Variants in MYO1H observed in about 807,000 individuals in gnomAD.
MYO1H encodes the protein unconventional myosin-Ih.
Under a neutral mutation model 149.3 loss-of-function variants are expected in MYO1H, and 118 were observed. The ratio of observed to expected loss-of-function variants is 0.79; its 90% CI spans 0.68 to 0.92. MYO1H has a LOEUF of 0.92. MYO1H is among the 40% of genes least tolerant of loss of function. The pLI, the probability that MYO1H is intolerant of heterozygous loss-of-function variation, is 0.00. For synonymous variants in MYO1H, 447 were observed against 465.2 expected (o/e 0.96, Z 0.50); for missense variants, 1,212 against 1,280.7 (o/e 0.95, Z 0.82).
chr12:109,433,015 G>A lies in MYO1H; in HGVS notation c.2063+5G>A. 6.2e-7 allele frequency: 1 copy of A among 1,611,112 alleles called. No homozygotes were observed. Among genetic ancestry groups the A allele is most frequent in the Non-Finnish European group, 8.5e-7 (1 of 1,177,244 alleles). ...CGAGGAATACAAGTTAGGCAAGTAAGTGACCAGAAGACCACCAAATGGTCT... is the reference window on the plus strand; with the variant it reads ...CGAGGAATACAAGTTAGGCAAGTAAATGACCAGAAGACCACCAAATGGTCT... On this transcript the variant is annotated splice_donor_5th_base_variant and intron_variant, in intron 20 of 31. Coordinates refer to ENST00000310903, the Ensembl canonical transcript of MYO1H.
chr12:109,412,994 T>C (rs1305225603), intron 14 of MYO1H, among the ~76,000 whole-genome samples: 1 of 151,874 alleles, frequency 6.6e-6, no homozygotes, highest in Non-Finnish European at 1.5e-5. Flanking sequence ...TTATTATTAT[T>C]TGAGACAGAG....
chr12:109,431,966 C>T (rs994585845), intron 19 of MYO1H, among the ~76,000 whole-genome samples: 5 of 149,382 alleles, frequency 3.3e-5, no homozygotes, highest in Non-Finnish European at 7.4e-5. Context: ...TACAGCCGCA[C>T]ACTGCCACAC....
At chr12:109,432,132 G>A (rs1871651611) in intron 19 of MYO1H, among the ~76,000 whole-genome samples, 1 of 150,136 alleles carries the variant, frequency 6.7e-6, no homozygotes, top group African/African-American at 2.5e-5. Flanking sequence ...CTCCCCAGTA[G>A]CTGGGACTAC....
At chr12:109,437,096 C>A (rs1336077788) in intron 22 of MYO1H, among the ~76,000 whole-genome samples, 1 of 151,942 alleles carries the variant, frequency 6.6e-6, no homozygotes, top group Non-Finnish European at 1.5e-5. Flanking sequence ...CAAAGTGAGA[C>A]CCTGTCTCAA....
exon 32 of MYO1H, chr12:109,447,474 G>C (rs547440881): frequency 5.8e-6 from 3 of 518,608 alleles, no homozygotes; most frequent in African/African-American, 1.9e-5. Context: ...GCAGTCCAAC[G>C]TGTCATTAGA....
At chr12:109,388,604 CT>C in intron 1 of MYO1H, 78 bp from the exon 2 acceptor site, 1 of 1,292,990 alleles carries the variant, frequency 7.7e-7, no homozygotes, top group Non-Finnish European at 1.0e-6. Flanking sequence ...GGTTTAGCAT[CT>C]TGTTATTTCC....
In MYO1H at chr12:109,405,905, A is replaced by T. The variant is rs767787978; in HGVS notation, c.850-17A>T. On this transcript the variant is annotated splice_polypyrimidine_tract_variant and intron_variant, in intron 7 of 31. Coordinates refer to ENST00000310903, the Ensembl canonical transcript of MYO1H. ...CTGTCCTGATCTCCTGTCTCTGAAC[A>T]CTTCCCATGTTCCTAGAATCTCTTT... The T allele has an allele frequency of 5.1e-6, 8 of 1,560,506 alleles. No homozygotes were observed. In the Middle Eastern group the frequency reaches 5.0e-4, roughly 98 times the overall value.
At chr12:109,395,972 G>A (rs778836142) in intron 3 of MYO1H, among the ~76,000 whole-genome samples, 3 of 151,950 alleles carry the variant, frequency 2.0e-5, no homozygotes, top group Non-Finnish European at 4.4e-5. Context: ...AGCCTGGAGT[G>A]CAATGGCATA....
In MYO1H at chr12:109,402,223, G is replaced by A. The variant is rs528196208; in HGVS notation, c.750+951G>A. On this transcript the variant is annotated intron_variant, in intron 6 of 31. Coordinates refer to ENST00000310903, the Ensembl canonical transcript of MYO1H. ...TTGTTTTTCTGCAGCCTGCACTAGC[G>A]TCCTACAATGCCCAGATTGTAAGGC... Among the ~76,000 whole-genome samples, 14 of 152,226 alleles carry A rather than the reference G, an allele frequency of 9.2e-5. No homozygotes were observed. In the East Asian group the frequency reaches 1.9e-3, roughly 21 times the overall value.
rs976534131 is a variant in MYO1H, at chr12:109,440,457, C to T, written c.2455-287C>T. The stretch of plus-strand genomic sequence containing the variant: ...AGAGGCGGGGCTGTTGTAAGAGTCC[C>T]GGGCTCCACTTTGGACCCACTGAGT... On this transcript the variant is annotated intron_variant, in intron 24 of 31. Coordinates refer to ENST00000310903, the Ensembl canonical transcript of MYO1H. The T allele has an allele frequency of 4.2e-5, 15 of 358,224 alleles. No individual in the cohort carries two copies. The Admixed American group carries it at 5.2e-4, about 13-fold the overall frequency. The allele number at this position is 358,224 out of a possible 1,614,324, so 22.2% of individuals were successfully genotyped here. A position where few individuals can be genotyped will look rare whatever the true frequency, so the allele number is the denominator to read the frequency against.
chr12:109,443,009 A>AAAATATATAT lies in MYO1H; in HGVS notation c.2689-504_2689-503insAATATATATA, dbSNP rs1371725807. 8.5e-5 allele frequency among the ~76,000 whole-genome samples: 5 copies of AAAATATATAT among 58,496 alleles called. 2 individuals carry two copies. Among genetic ancestry groups the AAAATATATAT allele is most frequent in the African/African-American group, 5.4e-4 (5 of 9,328 alleles). The allele number at this position is 58,496 out of a possible 152,430, so 38.4% of individuals were successfully genotyped here. On this transcript the variant is annotated intron_variant, in intron 27 of 31. Coordinates refer to ENST00000310903, the Ensembl canonical transcript of MYO1H. ...TGCAGAGAGCCAGGAAAAAAAAAAA[A>AAAATATATAT]ATATATATATATATATATATGTGTG...
In MYO1H at chr12:109,415,621, G is replaced by T. The variant is rs1870869671; in HGVS notation, c.1597+1G>T. On this transcript the variant is annotated splice_donor_variant, in intron 15 of 31. Coordinates refer to ENST00000310903, the Ensembl canonical transcript of MYO1H. LOFTEE classifies it high-confidence loss of function. ...GGAGAGGTCACATACTGCACCAAGG[G>T]TGAGTGGCCGTGGGGTACAGGTGAC... is the stretch of plus-strand genomic sequence containing the variant. 6.3e-7 allele frequency: 1 copy of T among 1,589,420 alleles called. No individual in the cohort carries two copies. The highest frequency in any genetic ancestry group is 2.3e-5 in the East Asian group (1 of 43,876).
At chr12:109,344,707 G>A (rs1380702546), upstream of MYO1H, among the ~76,000 whole-genome samples, 1 of 152,160 alleles carries the variant, frequency 6.6e-6, no homozygotes, top group East Asian at 1.9e-4. Context: ...GAAATTGGAT[G>A]TTTTACATTT....
At chr12:109,394,479 C>T (rs930216109) in intron 3 of MYO1H, among the ~76,000 whole-genome samples, 4 of 152,076 alleles carry the variant, frequency 2.6e-5, no homozygotes. Flanking sequence ...AAATAATTTC[C>T]CTTGTATTTG....
At chr12:109,327,739 C>CAAAAAAAAAAAAAAAAAA in the MYO1H span, among the ~76,000 whole-genome samples, 8 of 85,656 alleles carry the variant, frequency 9.3e-5, no homozygotes, top group African/African-American at 1.4e-4. Context: ...AAAACTGTCT[C>CAAAAAAAAAAAAAAAAAA]AAAAAAAAAA....
At chr12:109,332,037 C>T in the MYO1H span, among the ~76,000 whole-genome samples, 1 of 152,066 alleles carries the variant, frequency 6.6e-6, no homozygotes, top group Non-Finnish European at 1.5e-5. Context: ...CATGGGGTGT[C>T]GTAAGGAGCA....
intron 1 of MYO1H, among the ~76,000 whole-genome samples, chr12:109,366,092 C>T (rs1868860396): frequency 6.6e-6 from 1 of 152,184 alleles, no homozygotes; most frequent in Non-Finnish European, 1.5e-5. Context: ...CTTCTCCCGT[C>T]CATGGAAAAA....
intron 3 of MYO1H, among the ~76,000 whole-genome samples, chr12:109,395,803 C>T (rs1161491976): frequency 5.3e-5 from 8 of 151,148 alleles, no homozygotes; most frequent in African/African-American, 1.7e-4. Context: ...ATATCTAGTA[C>T]ACTCTATATT....
At chr12:109,352,901 A>G (rs912710115) in intron 1 of MYO1H, among the ~76,000 whole-genome samples, 3 of 150,884 alleles carry the variant, frequency 2.0e-5, no homozygotes, top group African/African-American at 7.4e-5. Flanking sequence ...GTAAGTTTTG[A>G]TGAAGGTATA....
Sources: allele counts gnomAD v4.1 joint callset (sites outside exome capture counted in the v4.1 genomes callset), GRCh38; gene constraint gnomAD v4.1.1; transcripts MANE v1.5; gene names NCBI Gene and HGNC (gene_info 2026-07-23, HGNC 2026-07-21).